HYDIN: variants seen among roughly 807,000 people sequenced by gnomAD.
HYDIN encodes HYDIN axonemal central pair apparatus protein.
In HYDIN, 132 loss-of-function variants were observed where a neutral mutation model predicts 403.9. The observed-to-expected ratio is 0.33, with a 90% CI of 0.28 to 0.38. The LOEUF (loss-of-function observed/expected upper bound fraction) is 0.38, where lower values mean the gene tolerates loss of function less well. Ranked by LOEUF, HYDIN falls within the 10% of genes least tolerant of loss-of-function variation. The pLI, the probability that HYDIN is intolerant of heterozygous loss-of-function variation, is 1.00. For missense variants in HYDIN, 2,827 were observed against 5,009.5 expected, an observed-to-expected ratio of 0.56 and a Z score of 13.15; for synonymous variants, 1,202 against 1,891.7, an observed-to-expected ratio of 0.64 and a Z score of 9.46.
intron 53 of HYDIN, 113 bp from the exon 54 acceptor site, chr16:70,896,193 C>T (rs371866933): frequency 7.6e-7 from 1 of 1,323,350 alleles, no homozygotes; most frequent in Non-Finnish European, 1.0e-6. Flanking sequence ...AGTGTATTCC[C>T]CTGTAGGTAT....
chr16:70,868,363 G>T (rs1355784101), intron 66 of HYDIN, among the ~76,000 whole-genome samples: 2 of 145,400 alleles, frequency 1.4e-5, no homozygotes, highest in East Asian at 3.9e-4. Flanking sequence ...TTAAGCTAAA[G>T]GTCTACCAGT....
intron 52 of HYDIN, among the ~76,000 whole-genome samples, chr16:70,902,821 A>ATATATATATATTTTTTTTTTTTTT: frequency 2.1e-5 from 1 of 47,296 alleles, no homozygotes; most frequent in Non-Finnish European, 3.6e-5. Flanking sequence ...ATATATATAT[A>ATATATATATATTTTTTTTTTTTTT]TTTTTTTTTT....
chr16:70,996,410 C>T (rs536820608), intron 23 of HYDIN, among the ~76,000 whole-genome samples: 95 of 152,206 alleles, frequency 6.2e-4, no homozygotes, highest in Non-Finnish European at 2.6e-4. Flanking sequence ...ACAAGTGTTC[C>T]AGCAGGGAGC....
chr16:70,888,770 C>G (rs1167346075), intron 58 of HYDIN, among the ~76,000 whole-genome samples: 4 of 152,134 alleles, frequency 2.6e-5, no homozygotes, highest in African/African-American at 9.7e-5. Context: ...CTCATGACAG[C>G]TTGGAGAGGG....
At chr16:70,901,253 A>G (rs1403278227) in intron 52 of HYDIN, 51 bp from the exon 53 acceptor site, 5 of 1,457,402 alleles carry the variant, frequency 3.4e-6, no homozygotes, top group Non-Finnish European at 4.8e-6. Context: ...TTGTAGTTTC[A>G]TGTGTTTTTT....
chr16:71,027,976 G>A (rs2080771491), intron 19 of HYDIN, 101 bp from the exon 20 acceptor site: 1 of 468,114 alleles, frequency 2.1e-6, no homozygotes, highest in Non-Finnish European at 3.6e-6. Flanking sequence ...TTAAAATGGT[G>A]AGCAACAATA....
chr16:71,211,798 T>G (rs1034044883), intron 1 of HYDIN, among the ~76,000 whole-genome samples: 1 of 151,982 alleles, frequency 6.6e-6, no homozygotes, highest in Non-Finnish European at 1.5e-5. Context: ...GAGCAAAAAT[T>G]TGCAGAAACT....
At chr16:71,120,507 C>T (rs2084216653) in intron 9 of HYDIN, among the ~76,000 whole-genome samples, 1 of 142,730 alleles carries the variant, frequency 7.0e-6, no homozygotes, top group East Asian at 2.0e-4. Flanking sequence ...CAAACAGCCA[C>T]TGGTTTGTGA....
chr16:70,928,273 G>A (rs930010469), intron 45 of HYDIN, among the ~76,000 whole-genome samples: 16 of 152,216 alleles, frequency 1.1e-4, no homozygotes, highest in Non-Finnish European at 1.6e-4. Flanking sequence ...GAACAGCTTG[G>A]GCAACATGGC....
intron 76 of HYDIN, among the ~76,000 whole-genome samples, 169 bp downstream of exon 76, chr16:70,839,895 T>C (rs932045852): frequency 1.4e-4 from 21 of 148,602 alleles, no homozygotes; most frequent in African/African-American, 5.2e-4. Flanking sequence ...TATCCAAGTA[T>C]TAGTGTTAGT....
intron 57 of HYDIN, among the ~76,000 whole-genome samples, chr16:70,890,349 T>C (rs890610312): frequency 3.9e-5 from 6 of 152,186 alleles, no homozygotes; most frequent in African/African-American, 1.4e-4. Context: ...TATGAACTTG[T>C]GCATGCTAAA....
At position 70,807,420 on chromosome 16, in the gene HYDIN, C is replaced by T. The variant is rs1055445018; in HGVS notation, c.*160G>A. The stretch of plus-strand genomic sequence containing the variant: ...AATGTTTAATATGGAATAGATATTT[C>T]ATATCTATATTTGGAAAACACATAA... On this transcript the variant is annotated 3_prime_UTR_variant, in exon 86 of 86. Transcript: ENST00000393567. 4.2e-6 allele frequency: 3 copies of T among 718,050 alleles called. No individual in the cohort carries two copies. Among genetic ancestry groups the T allele is most frequent in the South Asian group, 2.0e-5 (1 of 50,298 alleles). 44.5% of individuals were successfully genotyped at this position (718,050 alleles called of 1,614,324 possible).
chr16:71,120,746 C>T (rs1053809344), intron 9 of HYDIN, among the ~76,000 whole-genome samples: 1 of 151,262 alleles, frequency 6.6e-6, no homozygotes, highest in African/African-American at 2.4e-5. Context: ...AAATCTTGCC[C>T]CCCTCCCAAA....
rs556761061 is a variant in HYDIN at position 71,107,710 on chromosome 16, T to C, written c.1327+7986A>G. 2.8e-3 allele frequency among the ~76,000 whole-genome samples: 425 copies of C among 152,132 alleles called. 7 individuals are homozygous for C. The highest frequency in any genetic ancestry group is 0.027 in the South Asian group (130 of 4,804). On this transcript the variant is annotated intron_variant, in intron 10 of 85. Transcript: ENST00000393567. ...GGTTGTAAAGAAAAGGGAACACTTA[T>C]ACACTGTTGGTGGGAGTGTAAATTA...
chr16:71,001,890 T>C lies in HYDIN; in HGVS notation c.3645-9680A>G, dbSNP rs1374744237. Among the ~76,000 whole-genome samples, 3 of 152,246 alleles carry C rather than the reference T, an allele frequency of 2.0e-5. No homozygotes were observed. The East Asian group carries it at 5.8e-4, about 29-fold the overall frequency. ...CTTGGTACGATCATATTTAATTTTG[T>C]CCAATCTGGTGGGTATGTAATGGTG... is the stretch of plus-strand genomic sequence containing the variant. On this transcript the variant is annotated intron_variant, in intron 23 of 85. Coordinates refer to ENST00000393567, the MANE Select transcript of HYDIN (RefSeq NM_001270974.2).
At chr16:71,093,708 G>C (rs1349529575) in intron 11 of HYDIN, 109 bp downstream of exon 11, 1 of 1,296,488 alleles carries the variant, frequency 7.7e-7, no homozygotes. Flanking sequence ...GAGTAACGGC[G>C]AATAAATGTG....
chr16:71,005,978 TC>T (rs1385300933), intron 23 of HYDIN, among the ~76,000 whole-genome samples: 2 of 128,310 alleles, frequency 1.6e-5, no homozygotes, highest in South Asian at 5.9e-4. Flanking sequence ...TACATGTATT[TC>T]AAGTCTATTT....
chr16:70,870,977 G>T (rs2040058977), intron 65 of HYDIN, among the ~76,000 whole-genome samples: 1 of 152,152 alleles, frequency 6.6e-6, no homozygotes, highest in East Asian at 1.9e-4. Context: ...GTTGCAATGA[G>T]CCAAGATTGT....
At chr16:70,842,542 T>C (rs1054971214) in intron 75 of HYDIN, among the ~76,000 whole-genome samples, 22 of 152,274 alleles carry the variant, frequency 1.4e-4, no homozygotes, top group African/African-American at 5.3e-4. Flanking sequence ...ATAGGTACCC[T>C]AGCTCTTGTT....
Sources: allele counts gnomAD v4.1 joint callset (sites outside exome capture counted in the v4.1 genomes callset), GRCh38; gene constraint gnomAD v4.1.1; transcripts MANE v1.5; gene names NCBI Gene and HGNC (gene_info 2026-07-23, HGNC 2026-07-21).